Variants in NBEA observed in about 807,000 individuals in gnomAD.
NBEA encodes neurobeachin, also known as lysosomal-trafficking regulator 2.
Under a neutral mutation model 343.4 loss-of-function variants are expected in NBEA, and 44 were observed. The ratio of observed to expected loss-of-function variants is 0.13; its 90% CI spans 0.10 to 0.16. The LOEUF is 0.16. NBEA is among the 10% of genes least tolerant of loss of function. The pLI, the probability that NBEA is intolerant of heterozygous loss-of-function variation, is 1.00. For missense variants in NBEA, 2,555 were observed against 3,631.3 expected, an observed-to-expected ratio of 0.70 and a Z score of 7.62; for synonymous variants, 1,175 against 1,238.7, an observed-to-expected ratio of 0.95 and a Z score of 1.08.
chr13:35,347,691 C>T (rs1431663323), intron 36 of NBEA, among the ~76,000 whole-genome samples: 1 of 152,028 alleles, frequency 6.6e-6, no homozygotes, highest in Non-Finnish European at 1.5e-5. Flanking sequence ...TCCTCCTCTT[C>T]CTCCTCCATC....
chr13:35,547,571 G>T (rs114169518), intron 41 of NBEA, among the ~76,000 whole-genome samples: 3,927 of 152,184 alleles, frequency 0.026, 173 homozygotes, highest in African/African-American at 0.089. Flanking sequence ...CAAGGGACTG[G>T]CTAGTAAGAA....
intron 41 of NBEA, among the ~76,000 whole-genome samples, chr13:35,499,007 G>A (rs1267044408): frequency 6.6e-6 from 1 of 152,054 alleles, no homozygotes; most frequent in African/African-American, 2.4e-5. Context: ...ATTATTTCTG[G>A]CCTTGGTTCT....
chr13:35,475,267 C>T, intron 41 of NBEA: 1 of 1,614,042 alleles, frequency 6.2e-7, no homozygotes, highest in South Asian at 1.1e-5. Flanking sequence ...AGACTCGTCC[C>T]AGTCCGACTC....
chr13:35,341,282 G>T (rs1301691455), intron 36 of NBEA, among the ~76,000 whole-genome samples: 1 of 151,858 alleles, frequency 6.6e-6, no homozygotes, highest in African/African-American at 2.4e-5. Flanking sequence ...ACCCAAATGT[G>T]AGAACTATAA....
intron 1 of NBEA, among the ~76,000 whole-genome samples, chr13:34,956,364 A>G (rs1758565714): frequency 6.6e-6 from 1 of 150,816 alleles, no homozygotes; most frequent in Admixed American, 6.6e-5. Flanking sequence ...CAAAAAAACA[A>G]TGGTTTTGAA....
At chr13:35,457,172 A>G (rs1811073634) in intron 40 of NBEA, among the ~76,000 whole-genome samples, 1 of 151,900 alleles carries the variant, frequency 6.6e-6, no homozygotes, top group Non-Finnish European at 1.5e-5. Context: ...AACCCTACCC[A>G]TTTTTAAGAC....
intron 34 of NBEA, among the ~76,000 whole-genome samples, chr13:35,236,840 G>C (rs1269002029): frequency 1.1e-4 from 16 of 151,352 alleles, no homozygotes; most frequent in Admixed American, 1.1e-3. Flanking sequence ...TTAATGTCAT[G>C]ACTTATGTGC....
At chr13:35,505,360 T>C (rs1191961671) in intron 41 of NBEA, among the ~76,000 whole-genome samples, 1 of 152,206 alleles carries the variant, frequency 6.6e-6, no homozygotes, top group Non-Finnish European at 1.5e-5. Flanking sequence ...TGCTCCGCAG[T>C]TAATGTAAAA....
At chr13:35,424,779 T>C (rs2044541820) in intron 38 of NBEA, among the ~76,000 whole-genome samples, 1 of 152,230 alleles carries the variant, frequency 6.6e-6, no homozygotes, top group Non-Finnish European at 1.5e-5. Context: ...CATCTGGTCC[T>C]GGACTTTTTT....
At chr13:35,282,590 G>A (rs1430116924) in intron 34 of NBEA, among the ~76,000 whole-genome samples, 2 of 152,024 alleles carry the variant, frequency 1.3e-5, no homozygotes, top group South Asian at 2.1e-4. Context: ...TTATGATAGC[G>A]AAAATGTCTC....
chr13:35,389,122 G>A (rs760740732), intron 38 of NBEA, among the ~76,000 whole-genome samples: 9 of 151,440 alleles, frequency 5.9e-5, no homozygotes, highest in East Asian at 1.9e-4. Flanking sequence ...GTTCACAGCC[G>A]AAAAGTGAAA....
At chr13:35,178,636 GGTAAACA>G (rs969273923) in intron 28 of NBEA, among the ~76,000 whole-genome samples, 1 of 151,224 alleles carries the variant, frequency 6.6e-6, no homozygotes, top group Admixed American at 6.6e-5. Flanking sequence ...ATTATGTCTA[GGTAAACA>G]GATTTTATTT....
At chr13:34,985,975 T>TA (rs955035889) in intron 1 of NBEA, among the ~76,000 whole-genome samples, 2 of 150,750 alleles carry the variant, frequency 1.3e-5, no homozygotes, top group South Asian at 2.1e-4. Flanking sequence ...GTTGATCTTT[T>TA]AAAAAAACCA....
intron 13 of NBEA, among the ~76,000 whole-genome samples, chr13:35,115,498 A>C (rs1205939882): frequency 1.3e-5 from 2 of 151,714 alleles, no homozygotes; most frequent in Non-Finnish European, 2.9e-5. Flanking sequence ...TCTTTTCTTT[A>C]CTTGGGTGCT....
intron 41 of NBEA, among the ~76,000 whole-genome samples, chr13:35,520,839 C>G (rs2077677263): frequency 6.6e-6 from 1 of 152,184 alleles, no homozygotes; most frequent in African/African-American, 2.4e-5. Flanking sequence ...TATATCACTT[C>G]ATTTTGAGAG....
intron 4 of NBEA, among the ~76,000 whole-genome samples, chr13:35,048,311 C>T (rs1185019773): frequency 4.0e-5 from 6 of 151,858 alleles, no homozygotes; most frequent in South Asian, 2.1e-4. Flanking sequence ...GTCTGAAACC[C>T]GCTATGTAAT....
chr13:35,400,531 C>T (rs2042956704), intron 38 of NBEA, among the ~76,000 whole-genome samples: 1 of 151,832 alleles, frequency 6.6e-6, no homozygotes. Context: ...AGGATTATAC[C>T]ACAACCTTGA....
intron 1 of NBEA, among the ~76,000 whole-genome samples, chr13:35,033,136 A>T (rs1472575686): frequency 6.6e-6 from 1 of 151,806 alleles, no homozygotes; most frequent in Non-Finnish European, 1.5e-5. Context: ...TCATGGTTTA[A>T]GGTCTGAGAT....
chr13:35,046,594 A>G lies in NBEA; in HGVS notation c.723+1193A>G, dbSNP rs187872110. 2.7e-4 allele frequency among the ~76,000 whole-genome samples: 41 copies of G among 152,294 alleles called. No individual in the cohort carries two copies. In the East Asian group the frequency reaches 7.9e-3, roughly 29 times the overall value. ...CATACTATGGTTTTTTCCTCTACAT[A>G]CATACCTGTGATAAGGTTTAAATTA... On this transcript the variant is annotated intron_variant, in intron 4 of 58. Coordinates refer to ENST00000379939, the MANE Select transcript of NBEA (RefSeq NM_001385012.1).
Sources: allele counts gnomAD v4.1 joint callset (sites outside exome capture counted in the v4.1 genomes callset), GRCh38; gene constraint gnomAD v4.1.1; transcripts MANE v1.5; gene names NCBI Gene and HGNC (gene_info 2026-07-23, HGNC 2026-07-21).